Variants in MALRD1 observed in about 807,000 individuals in gnomAD.
The protein encoded by MALRD1 is MAM and LDL receptor class A domain containing 1.
In MALRD1, 247 loss-of-function variants were observed where a neutral mutation model predicts 242.1. That is an observed-to-expected ratio of 1.02 (90% CI 0.92 to 1.13). The LOEUF (loss-of-function observed/expected upper bound fraction) is 1.13, where lower values mean the gene tolerates loss of function less well. MALRD1 is among the 50% of genes most tolerant of loss of function. The pLI is 0.00. For missense variants in MALRD1, 2,989 were observed against 2,533.1 expected, an observed-to-expected ratio of 1.18 and a Z score of -3.86; for synonymous variants, 995 against 866.6, an observed-to-expected ratio of 1.15 and a Z score of -2.60.
At chr10:19,138,074 C>T (rs2358338) in intron 10 of MALRD1, among the ~76,000 whole-genome samples, 50,152 of 151,944 alleles carry the variant, frequency 0.33, 8,824 homozygotes, top group Non-Finnish European at 0.39. Context: ...TTAAGAGCAA[C>T]GCGGAGGGAC....
At chr10:19,152,742 T>C (rs183912263) in intron 11 of MALRD1, among the ~76,000 whole-genome samples, 1 of 151,876 alleles carries the variant, frequency 6.6e-6, no homozygotes, top group Non-Finnish European at 1.5e-5. Context: ...TGGCTTTCTA[T>C]TTTTACAATT....
intron 21 of MALRD1, among the ~76,000 whole-genome samples, chr10:19,311,273 G>C (rs541400587): frequency 1.3e-5 from 2 of 151,216 alleles, no homozygotes; most frequent in African/African-American, 4.8e-5. Context: ...TTTTTCATGA[G>C]TATGTAGGAA....
chr10:19,270,992 G>T (rs1028615530), intron 19 of MALRD1, among the ~76,000 whole-genome samples: 1 of 152,020 alleles, frequency 6.6e-6, no homozygotes, highest in Non-Finnish European at 1.5e-5. Flanking sequence ...CTAAATATAC[G>T]AATGAATGGC....
At chr10:19,474,897 C>G (rs1836657804) in intron 29 of MALRD1, among the ~76,000 whole-genome samples, 1 of 151,942 alleles carries the variant, frequency 6.6e-6, no homozygotes. Context: ...GAAAAAAAAC[C>G]TAGAAAAATG....
chr10:19,229,676 A>C (rs1196059913), intron 18 of MALRD1, among the ~76,000 whole-genome samples: 1 of 152,136 alleles, frequency 6.6e-6, no homozygotes, highest in East Asian at 1.9e-4. Flanking sequence ...CCATGATGAA[A>C]AACAAGACAG....
At chr10:19,374,080 A>G (rs1056606755) in intron 26 of MALRD1, among the ~76,000 whole-genome samples, 3 of 152,226 alleles carry the variant, frequency 2.0e-5, no homozygotes, top group African/African-American at 7.2e-5. Context: ...TGTCTTTCCA[A>G]AGAAAGTTCA....
intron 28 of MALRD1, among the ~76,000 whole-genome samples, chr10:19,443,448 G>T (rs1834783014): frequency 6.6e-6 from 1 of 152,092 alleles, no homozygotes; most frequent in African/African-American, 2.4e-5. Context: ...GCTTTCTCTT[G>T]TGGGCATTTA....
chr10:19,685,086 CACTT>C, intron 36 of MALRD1, among the ~76,000 whole-genome samples: 1 of 152,258 alleles, frequency 6.6e-6, no homozygotes, highest in Non-Finnish European at 1.5e-5. Context: ...CATATATAAA[CACTT>C]CCTTCCCTGG....
Position 19,482,793 on chromosome 10 carries a change from CATA to C in MALRD1, c.5030-8722_5030-8720del, listed in dbSNP as rs1837060999. ...TCCTTCTGAAAGTAATTATAAATAA[CATA>C]ACACAAAAAATGTAAAAACATTCCA... On this transcript the variant is annotated intron_variant, in intron 29 of 39. Coordinates refer to ENST00000454679, the MANE Select transcript of MALRD1 (RefSeq NM_001142308.3). 4.6e-4 allele frequency among the ~76,000 whole-genome samples: 3 copies of C among 6,456 alleles called. No individual in the cohort carries two copies. The African/African-American group carries it at 4.7e-3, about 10-fold the overall frequency. The allele number at this position is 6,456 out of a possible 152,430, so 4.2% of individuals were successfully genotyped here. A position where few individuals can be genotyped will look rare whatever the true frequency, so the allele number is the denominator to read the frequency against.
chr10:19,646,863 G>A (rs1840683589), intron 36 of MALRD1, among the ~76,000 whole-genome samples: 1 of 152,110 alleles, frequency 6.6e-6, no homozygotes, highest in Admixed American at 6.5e-5. Context: ...GGGACAGAAG[G>A]CATTGCATTG....
intron 36 of MALRD1, among the ~76,000 whole-genome samples, chr10:19,686,001 A>T (rs4748608): frequency 2.0e-5 from 3 of 151,924 alleles, no homozygotes; most frequent in African/African-American, 7.2e-5. Flanking sequence ...TATCTGAGTC[A>T]TGCAGCACCT....
intron 36 of MALRD1, among the ~76,000 whole-genome samples, chr10:19,635,669 C>G (rs1840097177): frequency 6.6e-6 from 1 of 152,060 alleles, no homozygotes; most frequent in South Asian, 2.1e-4. Context: ...TTCTAGAAGT[C>G]TTAGCTAAAA....
chr10:19,616,536 C>A (rs1230969657), intron 36 of MALRD1, among the ~76,000 whole-genome samples: 2 of 151,974 alleles, frequency 1.3e-5, no homozygotes, highest in Non-Finnish European at 2.9e-5. Flanking sequence ...GTTTCAAAAA[C>A]TCCAAAGGAA....
chr10:19,162,777 A>G (rs1834488926), intron 12 of MALRD1, among the ~76,000 whole-genome samples: 1 of 152,182 alleles, frequency 6.6e-6, no homozygotes, highest in Admixed American at 6.5e-5. Flanking sequence ...AGCTAAAAGC[A>G]GAGCTACTAT....
At chr10:19,414,645 T>C (rs114432000) in intron 28 of MALRD1, among the ~76,000 whole-genome samples, 190 of 152,164 alleles carry the variant, frequency 1.2e-3, no homozygotes, top group African/African-American at 4.4e-3. Flanking sequence ...TTAGTGAAAG[T>C]TGGGAAAGGA....
intron 26 of MALRD1, among the ~76,000 whole-genome samples, chr10:19,359,137 A>T (rs747474576): frequency 6.6e-6 from 1 of 152,186 alleles, no homozygotes; most frequent in South Asian, 2.1e-4. Flanking sequence ...AGAGAAGTTG[A>T]TGAGTTGGCT....
chr10:19,485,859 A>G (rs945335583), intron 29 of MALRD1, among the ~76,000 whole-genome samples: 1 of 151,978 alleles, frequency 6.6e-6, no homozygotes, highest in Non-Finnish European at 1.5e-5. Context: ...AAAATACTGA[A>G]ACAACTCTAT....
rs567202375 is a variant in MALRD1, at chr10:19,573,603, T to A, written c.5680+5900T>A. 8.5e-5 allele frequency among the ~76,000 whole-genome samples: 13 copies of A among 152,128 alleles called. No individual in the cohort carries two copies. The East Asian group carries it at 9.7e-4, about 11-fold the overall frequency. ...CCCTTTCCCCCTAAAAAAGAAAAAA[T>A]TTTCCTTACGCTTACTACTCATTGG... On this transcript the variant is annotated intron_variant, in intron 33 of 39. Coordinates refer to ENST00000454679, the MANE Select transcript of MALRD1 (RefSeq NM_001142308.3).
intron 38 of MALRD1, among the ~76,000 whole-genome samples, chr10:19,694,673 G>C (rs1300254882): frequency 1.3e-5 from 2 of 152,094 alleles, no homozygotes; most frequent in Non-Finnish European, 2.9e-5. Context: ...GGCAATTCCT[G>C]AAGGATCTAG....
Sources: gnomAD v4.1 joint callset for allele counts (sites outside exome capture counted in the v4.1 genomes callset) on GRCh38, gnomAD v4.1.1 for gene constraint, MANE v1.5 for transcripts, NCBI Gene and HGNC (gene_info 2026-07-23, HGNC 2026-07-21) for gene names.